The following ATF6 variants were observed in gnomAD, a reference collection of about 807,000 sequenced individuals.
ATF6 encodes the protein activating transcription factor 6, also known as cyclic AMP-dependent transcription factor ATF-6 alpha.
In ATF6, 53 loss-of-function variants were observed where a neutral mutation model predicts 83.6. That is an observed-to-expected ratio of 0.63 (90% CI 0.51 to 0.80). ATF6 has a LOEUF of 0.80. Among genes scored for constraint, ATF6 ranks in the 30% least tolerant of loss-of-function variants. The pLI is 0.00. For missense variants in ATF6, 744 were observed against 797.9 expected (o/e 0.93, Z 0.81); for synonymous variants, 288 against 285.8 (o/e 1.01, Z -0.08).
intron 15 of ATF6, among the ~76,000 whole-genome samples, chr1:161,952,040 G>A (rs900732571): frequency 2.0e-5 from 3 of 152,160 alleles, no homozygotes; most frequent in Admixed American, 1.3e-4. Flanking sequence ...TGGTTTATCA[G>A]TTAAAAGTGC....
At chr1:161,830,118 A>G (rs1357794724) in intron 9 of ATF6, among the ~76,000 whole-genome samples, 2 of 152,238 alleles carry the variant, frequency 1.3e-5, no homozygotes, top group East Asian at 1.9e-4. Context: ...TACAAAATCA[A>G]TGTGCAAAAA....
chr1:161,791,496 T>A lies in ATF6; in HGVS notation c.443T>A (p.Leu148Gln). Residue 148 changes from leucine (L) to glutamine (Q), a missense_variant, in exon 5 of 16, where the codon CTG becomes CAG. By Grantham distance (113) the Leu-to-Gln change is moderately radical (BLOSUM62 -2). Coordinates refer to ENST00000367942, the MANE Select transcript of ATF6 (RefSeq NM_007348.4). ...NSNSLSSAEP[L>Q]KEDKPVTGPR... The stretch of plus-strand genomic sequence containing the variant: ...AATAGTCTCTCTTCAGCGGAGCCAC[T>A]GAAGGAAGATAAGCCTGTCACTGGT... 1 of 1,612,698 alleles carries A rather than the reference T, an allele frequency of 6.2e-7. No homozygotes were observed. Among genetic ancestry groups the A allele is most frequent in the Non-Finnish European group, 8.5e-7 (1 of 1,179,710 alleles).
At chr1:161,800,166 G>A (rs1685109810) in intron 6 of ATF6, among the ~76,000 whole-genome samples, 1 of 152,118 alleles carries the variant, frequency 6.6e-6, no homozygotes, top group African/African-American at 2.4e-5. Flanking sequence ...TACAGGTTTA[G>A]TACCCCTTAA....
At position 161,791,594 on chromosome 1, in the gene ATF6, AT is replaced by A. The variant is rs1457961353; in HGVS notation, c.484+60del. On this transcript the variant is annotated intron_variant, in intron 5 of 15. Transcript: ENST00000367942. ...CTATTTCAGATTGAGCTTAGGTTCC[AT>A]TTCTTAAAAGAAAATGCTGGATTAA... is the stretch of plus-strand genomic sequence containing the variant. The A allele has an allele frequency of 2.6e-6, 4 of 1,517,802 alleles. No individual in the cohort carries two copies. The African/African-American group carries it at 5.6e-5, about 21-fold the overall frequency. 94.0% of individuals were successfully genotyped at this position (1,517,802 alleles called of 1,614,324 possible).
Position 161,821,139 on chromosome 1 carries a change from A to G in ATF6, c.1165A>G (p.Ile389Val), listed in dbSNP as rs750797724. Residue 389 changes from isoleucine to valine, a missense_variant, in exon 9 of 16, where the codon ATA becomes GTA. Coordinates refer to ENST00000367942, the MANE Select transcript of ATF6 (RefSeq NM_007348.4). ...TGTGATGATAGTATTGGCATTTATA[A>G]TACTGAACTATGGACCTATGAGGTA... ...VCVMIVLAFI[I>V]LNYGPMSMLE... 1.2e-6 allele frequency: 2 copies of G among 1,611,528 alleles called. No homozygotes were observed. Among genetic ancestry groups the G allele is most frequent in the Non-Finnish European group, 1.7e-6 (2 of 1,178,280 alleles).
intron 15 of ATF6, among the ~76,000 whole-genome samples, chr1:161,933,587 A>G (rs988127673): frequency 3.9e-5 from 6 of 152,248 alleles, no homozygotes; most frequent in Non-Finnish European, 8.8e-5. Flanking sequence ...TCCTTAAATC[A>G]TACTTTAGAA....
In ATF6 at chr1:161,817,679, T is replaced by C. The variant is rs374510708; in HGVS notation, c.910-1954T>C. Among the ~76,000 whole-genome samples the C allele has an allele frequency of 2.6e-4, 40 of 152,348 alleles. 1 individual carries two copies. The South Asian group carries it at 8.1e-3, about 31-fold the overall frequency. On this transcript the variant is annotated intron_variant, in intron 7 of 15. Transcript: ENST00000367942. ...TTTTGACATTTCATGTAACATTTCC[T>C]TGTGGGTTCTGATTTAAAGGTTGTT...
chr1:161,898,896 ATAGTG>A (rs1406478609), intron 14 of ATF6, among the ~76,000 whole-genome samples: 3 of 152,208 alleles, frequency 2.0e-5, no homozygotes, highest in African/African-American at 7.2e-5. Context: ...TTTCTTGAGA[ATAGTG>A]TAGGGTTTTT....
At chr1:161,790,115 T>G (rs945231049) in intron 4 of ATF6, among the ~76,000 whole-genome samples, 5 of 152,222 alleles carry the variant, frequency 3.3e-5, no homozygotes, top group Non-Finnish European at 5.9e-5. Flanking sequence ...GCAAATATTT[T>G]CTACCAATAT....
At chr1:161,866,610 T>C (rs1242993130) in intron 14 of ATF6, among the ~76,000 whole-genome samples, 2 of 152,232 alleles carry the variant, frequency 1.3e-5, no homozygotes, top group African/African-American at 4.8e-5. Flanking sequence ...TTCTCCTCTC[T>C]TTGATTTGTT....
rs1187881004 is a variant in ATF6 at position 161,897,205 on chromosome 1, G to A, written c.1720-15091G>A. On this transcript the variant is annotated intron_variant, in intron 14 of 15. Transcript: ENST00000367942. ...TCCTAGCACTTTGGGAGGCTGAAGC[G>A]GGCGGCTTGCCTGAGCTCAGGAGTT... is the stretch of plus-strand genomic sequence containing the variant. 5.3e-5 allele frequency among the ~76,000 whole-genome samples: 8 copies of A among 152,158 alleles called. No homozygotes were observed. The South Asian group carries it at 6.2e-4, about 12-fold the overall frequency.
intron 9 of ATF6, among the ~76,000 whole-genome samples, chr1:161,823,004 T>A (rs1685802385): frequency 1.3e-5 from 2 of 152,158 alleles, no homozygotes; most frequent in Non-Finnish European, 2.9e-5. Context: ...TTATTCTCTT[T>A]TAATACTACA....
At chr1:161,920,214 T>C (rs570700346) in intron 15 of ATF6, among the ~76,000 whole-genome samples, 1 of 151,778 alleles carries the variant, frequency 6.6e-6, no homozygotes, top group Admixed American at 6.6e-5. Flanking sequence ...ATCCAGACAG[T>C]TGAATGGAGT....
At chr1:161,897,339 G>A (rs751734601) in intron 14 of ATF6, among the ~76,000 whole-genome samples, 3 of 152,010 alleles carry the variant, frequency 2.0e-5, no homozygotes, top group Non-Finnish European at 2.9e-5. Flanking sequence ...AGGCTGAGGC[G>A]GGGGTGGGTG....
intron 14 of ATF6, among the ~76,000 whole-genome samples, chr1:161,908,150 G>C (rs1439506381): frequency 3.3e-5 from 5 of 152,156 alleles, no homozygotes; most frequent in African/African-American, 1.2e-4. Context: ...GCACCAGTCA[G>C]TGAGTTTTAT....
chr1:161,769,586 T>C (rs1684338728), intron 1 of ATF6, among the ~76,000 whole-genome samples: 1 of 152,210 alleles, frequency 6.6e-6, no homozygotes, highest in Admixed American at 6.5e-5. Flanking sequence ...TATTGTGCAC[T>C]TTATTTGTAT....
intron 15 of ATF6, among the ~76,000 whole-genome samples, chr1:161,932,853 T>C (rs1322516371): frequency 2.0e-5 from 3 of 152,176 alleles, no homozygotes; most frequent in East Asian, 3.9e-4. Context: ...ATTCAGTTCC[T>C]TTTGAGCTTT....
At chr1:161,952,679 A>AT (rs1688889775) in intron 15 of ATF6, among the ~76,000 whole-genome samples, 1 of 152,066 alleles carries the variant, frequency 6.6e-6, no homozygotes, top group Admixed American at 6.6e-5. Context: ...ATATATATAT[A>AT]ATATATCATA....
At chr1:161,910,776 GTTATC>G (rs1462902427) in intron 14 of ATF6, among the ~76,000 whole-genome samples, 2 of 151,968 alleles carry the variant, frequency 1.3e-5, no homozygotes, top group African/African-American at 4.8e-5. Flanking sequence ...TGGTTATAAT[GTTATC>G]TTAATCAGAA....
Sources: gnomAD v4.1 joint callset for allele counts (sites outside exome capture counted in the v4.1 genomes callset) on GRCh38, gnomAD v4.1.1 for gene constraint, MANE v1.5 for transcripts, NCBI Gene and HGNC (gene_info 2026-07-23, HGNC 2026-07-21) for gene names.